Variants in SORBS2 observed in about 807,000 individuals in gnomAD.
The protein encoded by SORBS2 is sorbin and SH3 domain containing 2.
Under a neutral mutation model 97.7 loss-of-function variants are expected in SORBS2, and 46 were observed. The observed-to-expected ratio is 0.47, with a 90% CI of 0.37 to 0.60. The LOEUF (loss-of-function observed/expected upper bound fraction) is 0.60. Ranked by LOEUF, SORBS2 falls within the 20% of genes least tolerant of loss-of-function variation. The probability of loss-of-function intolerance (pLI) is 0.00; values close to 1 mark genes in which losing one functional copy is unlikely to be tolerated. For missense variants in SORBS2, 1,316 were observed against 1,282.3 expected (o/e 1.03, Z -0.40); for synonymous variants, 476 against 473.4 (o/e 1.01, Z -0.07).
intron 1 of SORBS2, among the ~76,000 whole-genome samples, chr4:185,880,737 A>G (rs958180379): frequency 8.5e-5 from 13 of 152,240 alleles, no homozygotes; most frequent in Non-Finnish European, 1.8e-4. Context: ...CAGGCTTTCA[A>G]AGTACGGAAA....
chr4:185,842,187 T>C (rs1482457558), intron 1 of SORBS2, among the ~76,000 whole-genome samples: 1 of 151,918 alleles, frequency 6.6e-6, no homozygotes, highest in Non-Finnish European at 1.5e-5. Context: ...GGTGGTAGAG[T>C]GGTCCTCTTA....
At chr4:185,905,185 G>A (rs945965434) in intron 1 of SORBS2, among the ~76,000 whole-genome samples, 1 of 152,066 alleles carries the variant, frequency 6.6e-6, no homozygotes, top group African/African-American at 2.4e-5. Context: ...CTCCAGTGGA[G>A]CAGGCTTCCC....
intron 1 of SORBS2, chr4:185,812,078 G>C (rs1175648106): frequency 6.6e-6 from 1 of 152,232 alleles, no homozygotes; most frequent in Non-Finnish European, 1.5e-5. Context: ...CTGTCCAAAA[G>C]GCAGCTTGCA....
At chr4:185,879,207 C>T (rs1241019585) in intron 1 of SORBS2, among the ~76,000 whole-genome samples, 3 of 127,494 alleles carry the variant, frequency 2.4e-5, no homozygotes, top group Non-Finnish European at 3.1e-5. Flanking sequence ...GTGTGATGTT[C>T]CCCTTCCTGT....
At chr4:185,691,900 A>G (rs921906027) in intron 2 of SORBS2, among the ~76,000 whole-genome samples, 3 of 152,168 alleles carry the variant, frequency 2.0e-5, no homozygotes, top group East Asian at 3.9e-4. Flanking sequence ...ACCCGCCACC[A>G]CGCTCGGATA....
chr4:185,652,703 T>C, exon 2 of SORBS2: 1 of 1,614,190 alleles, frequency 6.2e-7, no homozygotes, highest in Non-Finnish European at 8.5e-7. Context: ...CATCGTCTTG[T>C]ACCAGTCCTT....
intron 1 of SORBS2, among the ~76,000 whole-genome samples, chr4:185,882,512 C>G (rs551278975): frequency 2.2e-4 from 34 of 152,250 alleles, no homozygotes; most frequent in African/African-American, 8.2e-4. Context: ...CCAATTCTTC[C>G]TAAACTGACC....
At chr4:185,627,290 G>C (rs7665136) in intron 5 of SORBS2, among the ~76,000 whole-genome samples, 3,400 of 152,252 alleles carry the variant, frequency 0.022, 130 homozygotes, top group African/African-American at 0.077. Context: ...GCTCACTGCA[G>C]CCCCAAACTC....
chr4:185,628,133 C>T (rs768697351), intron 5 of SORBS2, among the ~76,000 whole-genome samples: 1 of 152,140 alleles, frequency 6.6e-6, no homozygotes, highest in African/African-American at 2.4e-5. Context: ...ATAAATAATG[C>T]TCCTAAGAAA....
At chr4:185,776,727 C>T (rs1445478038) in intron 1 of SORBS2, among the ~76,000 whole-genome samples, 1 of 144,180 alleles carries the variant, frequency 6.9e-6, no homozygotes, top group Non-Finnish European at 1.6e-5. Flanking sequence ...GGTGAAACCC[C>T]ATCTCTAAAA....
At chr4:185,619,839 A>C (rs2096688061) in intron 8 of SORBS2, among the ~76,000 whole-genome samples, 1 of 152,210 alleles carries the variant, frequency 6.6e-6, no homozygotes, top group Admixed American at 6.5e-5. Context: ...CCTCATGGCC[A>C]AAACTGGGCC....
chr4:185,788,093 C>A (rs1479426510), intron 1 of SORBS2, among the ~76,000 whole-genome samples: 1 of 152,228 alleles, frequency 6.6e-6, no homozygotes, highest in Admixed American at 6.5e-5. Context: ...CCGTGAGCAC[C>A]AGGGCTGCTC....
At chr4:185,855,345 A>T (rs988124265) in intron 1 of SORBS2, among the ~76,000 whole-genome samples, 5 of 152,242 alleles carry the variant, frequency 3.3e-5, no homozygotes, top group Non-Finnish European at 7.3e-5. Context: ...ATACGTGGAC[A>T]CACACATTCA....
At chr4:185,815,717 A>G (rs1400327034) in intron 1 of SORBS2, among the ~76,000 whole-genome samples, 1 of 152,190 alleles carries the variant, frequency 6.6e-6, no homozygotes, top group Non-Finnish European at 1.5e-5. Flanking sequence ...GTTATACCGT[A>G]TGCACACCTA....
At chr4:185,630,552 A>T in exon 5 of SORBS2, 1 of 1,581,442 alleles carries the variant, frequency 6.3e-7, no homozygotes, top group Non-Finnish European at 8.7e-7. Context: ...TTCTTACCTC[A>T]TGGGTCTTTC....
At chr4:185,614,197 C>T (rs1454330808) in intron 11 of SORBS2, among the ~76,000 whole-genome samples, 2 of 122,860 alleles carry the variant, frequency 1.6e-5, no homozygotes, top group African/African-American at 6.4e-5. Flanking sequence ...TGGAATCTCG[C>T]TCACCTGCCT....
intron 1 of SORBS2, chr4:185,918,686 A>G (rs1235859649): frequency 6.6e-6 from 1 of 152,212 alleles, no homozygotes; most frequent in Non-Finnish European, 1.5e-5. Context: ...GTGGGAGCAG[A>G]GCCCCTACAA....
In SORBS2 at chr4:185,624,513, G is replaced by A. The variant is rs1442189412; in HGVS notation, c.635-19C>T. The stretch of plus-strand genomic sequence containing the variant: ...TCCCCACCTTTTAATCCAGAGCAGC[G>A]TGGTAGAAGAGAGACATTTGGAGAA... On this transcript the variant is annotated intron_variant, in intron 6 of 14. Coordinates refer to ENST00000418609, the Ensembl canonical transcript of SORBS2. 1.9e-6 allele frequency: 3 copies of A among 1,577,874 alleles called. No homozygotes were observed. Among genetic ancestry groups the A allele is most frequent in the Non-Finnish European group, 8.6e-7 (1 of 1,164,628 alleles).
chr4:185,941,550 C>T (rs60678102), intron 1 of SORBS2, among the ~76,000 whole-genome samples: 4,050 of 152,252 alleles, frequency 0.027, 169 homozygotes, highest in African/African-American at 0.091. Flanking sequence ...CTTATAATCT[C>T]ACACAAAGCT....
Sources: allele counts gnomAD v4.1 joint callset (sites outside exome capture counted in the v4.1 genomes callset), GRCh38; gene constraint gnomAD v4.1.1; transcripts MANE v1.5; gene names NCBI Gene and HGNC (gene_info 2026-07-23, HGNC 2026-07-21).